The following NUP98 variants were observed in gnomAD, a reference collection of about 807,000 sequenced individuals.
The protein encoded by NUP98 is nucleoporin 98 and 96 precursor.
Under a neutral mutation model 191.9 loss-of-function variants are expected in NUP98, and 26 were observed. The observed-to-expected ratio is 0.14, with a 90% confidence interval of 0.10 to 0.19. The LOEUF (loss-of-function observed/expected upper bound fraction) is 0.19. NUP98 is among the 10% of genes least tolerant of loss of function. NUP98 has a pLI of 1.00. For missense variants in NUP98, 1,941 were observed against 2,178.8 expected (o/e 0.89, Z 2.17); for synonymous variants, 808 against 778.4 (o/e 1.04, Z -0.63).
At chr11:3,744,423 G>T in intron 12 of NUP98, 86 bp downstream of exon 12, 2 of 1,349,072 alleles carry the variant, frequency 1.5e-6, no homozygotes, top group African/African-American at 1.5e-5. Context: ...GCCTTGGTAG[G>T]AATGGGACAG....
At chr11:3,698,019 T>C (rs531010844) in intron 25 of NUP98, among the ~76,000 whole-genome samples, 2 of 152,276 alleles carry the variant, frequency 1.3e-5, no homozygotes, top group Admixed American at 6.5e-5. Flanking sequence ...ACATATTTTA[T>C]AGCAATTCAG....
intron 25 of NUP98, among the ~76,000 whole-genome samples, chr11:3,696,530 C>T (rs893836456): frequency 2.6e-5 from 4 of 151,386 alleles, no homozygotes; most frequent in East Asian, 3.9e-4. Context: ...AAAAAAAGGC[C>T]GGAGGCAGTG....
At chr11:3,791,789 C>T (rs1246289864) in intron 1 of NUP98, among the ~76,000 whole-genome samples, 2 of 150,018 alleles carry the variant, frequency 1.3e-5, no homozygotes, top group Non-Finnish European at 3.0e-5. Flanking sequence ...TTACAGTGAG[C>T]CGAGATCACG....
At position 3,678,758 on chromosome 11, in the gene NUP98, TATA is replaced by T. The variant is rs1354752823; in HGVS notation, c.5073+793_5073+795del. Among the ~76,000 whole-genome samples the T allele has an allele frequency of 3.9e-5, 6 of 152,226 alleles. No individual in the cohort carries two copies. The East Asian group carries it at 1.2e-3, about 29-fold the overall frequency. On this transcript the variant is annotated intron_variant, in intron 31 of 32. Coordinates refer to ENST00000324932, the MANE Select transcript of NUP98 (RefSeq NM_016320.5). ...AAAAGGACTTGAATCCTATATTTAT[TATA>T]ATGAGTTTGGTTTTTGCACCATAAG... is the stretch of plus-strand genomic sequence containing the variant.
At chr11:3,725,020 A>C in intron 15 of NUP98, 83 bp downstream of exon 15, 1 of 652,814 alleles carries the variant, frequency 1.5e-6, no homozygotes, top group Non-Finnish European at 2.7e-6. Flanking sequence ...AAACTTCATA[A>C]ATTTTCATAA....
rs946810789 is a variant in NUP98, at chr11:3,709,060, C to T, written c.2743-2433G>A. Among the ~76,000 whole-genome samples the T allele has an allele frequency of 2.6e-5, 4 of 152,116 alleles. No individual in the cohort carries two copies. The East Asian group carries it at 5.8e-4, about 22-fold the overall frequency. ...TTGAAACAAGGCTGCCAATACCTAA[C>T]GATACAGCATTGCTTAATTCAGTAG... On this transcript the variant is annotated intron_variant, in intron 20 of 32. Coordinates refer to ENST00000324932, the MANE Select transcript of NUP98 (RefSeq NM_016320.5).
At chr11:3,776,131 T>G in intron 4 of NUP98, 110 bp from the exon 5 acceptor site, 1 of 821,270 alleles carries the variant, frequency 1.2e-6, no homozygotes, top group Non-Finnish European at 1.9e-6. Context: ...ATTTTTTTTT[T>G]TTTTTTTTGA....
intron 28 of NUP98, among the ~76,000 whole-genome samples, chr11:3,686,778 G>T (rs182387518): frequency 6.6e-6 from 1 of 152,190 alleles, no homozygotes; most frequent in African/African-American, 2.4e-5. Context: ...GAGGTCAGGA[G>T]AGTTTGAGAC....
chr11:3,700,537 C>A, intron 24 of NUP98, 73 bp downstream of exon 24: 1 of 1,056,960 alleles, frequency 9.5e-7, no homozygotes, highest in South Asian at 1.6e-5. Flanking sequence ...CCAGGAAATT[C>A]ATCCTCCCGT....
intron 11 of NUP98, among the ~76,000 whole-genome samples, chr11:3,747,742 C>T (rs944617343): frequency 6.6e-6 from 1 of 152,172 alleles, no homozygotes; most frequent in Non-Finnish European, 1.5e-5. Context: ...AAATAAGAAG[C>T]TGCAGAGAAA....
intron 12 of NUP98, among the ~76,000 whole-genome samples, chr11:3,744,239 T>A (rs976542869): frequency 6.6e-6 from 1 of 152,130 alleles, no homozygotes; most frequent in East Asian, 1.9e-4. Flanking sequence ...AACACAGTAA[T>A]ATAAGCACAT....
intron 14 of NUP98, among the ~76,000 whole-genome samples, chr11:3,728,523 C>G (rs1468059887): frequency 1.3e-5 from 2 of 152,144 alleles, no homozygotes; most frequent in Non-Finnish European, 2.9e-5. Context: ...ATCTTGAGGT[C>G]AGGAGATCAA....
chr11:3,769,169 A>C (rs2081435157), intron 7 of NUP98, among the ~76,000 whole-genome samples: 1 of 152,200 alleles, frequency 6.6e-6, no homozygotes, highest in South Asian at 2.1e-4. Flanking sequence ...TCACACCTGT[A>C]ATAACAACAT....
At chr11:3,738,418 C>T (rs2134331165) in intron 12 of NUP98, among the ~76,000 whole-genome samples, 1 of 152,198 alleles carries the variant, frequency 6.6e-6, no homozygotes, top group Non-Finnish European at 1.5e-5. Flanking sequence ...AGTACAAAAA[C>T]CAAGTCTTCT....
At chr11:3,710,215 C>T (rs1391328921) in intron 20 of NUP98, among the ~76,000 whole-genome samples, 4 of 152,050 alleles carry the variant, frequency 2.6e-5, no homozygotes, top group Non-Finnish European at 2.9e-5. Context: ...AAATTGGATC[C>T]CAGACCAGGA....
At chr11:3,717,757 G>A (rs1424288050) in intron 18 of NUP98, among the ~76,000 whole-genome samples, 1 of 152,218 alleles carries the variant, frequency 6.6e-6, no homozygotes, top group East Asian at 1.9e-4. Flanking sequence ...TGTCTCACAG[G>A]AAAAGCCTTC....
Position 3,778,927 on chromosome 11 carries a change from G to C in NUP98, c.301C>G (p.Leu101Val). ...AAGGCATTGTTTTGGGATGAGAAGAGACTGGTCCCTGTGCTTGCAGTTCCA... is the reference window on the plus strand; with the variant it reads ...AAGGCATTGTTTTGGGATGAGAAGACACTGGTCCCTGTGCTTGCAGTTCCA... ...LFGTASTGTS[L>V]FSSQNNAFAQ... The change falls in exon 4 of 33, where the codon CTC (leucine) becomes GTC (valine). Residue 101 changes from leucine (L) to valine (V), a missense_variant. Coordinates refer to ENST00000324932, the MANE Select transcript of NUP98 (RefSeq NM_016320.5). 1.2e-6 allele frequency: 2 copies of C among 1,614,216 alleles called. No homozygotes were observed. Among genetic ancestry groups the C allele is most frequent in the Non-Finnish European group, 1.7e-6 (2 of 1,180,038 alleles).
At chr11:3,707,282 A>G (rs1291508441) in intron 20 of NUP98, among the ~76,000 whole-genome samples, 1 of 152,206 alleles carries the variant, frequency 6.6e-6, no homozygotes, top group South Asian at 2.1e-4. Flanking sequence ...AGTTATATTT[A>G]CATTTATTAA....
rs745694175 is a variant in NUP98 at position 3,691,452 on chromosome 11, A to T, written c.4349T>A (p.Leu1450His). 23 of 1,614,074 alleles carry T rather than the reference A, an allele frequency of 1.4e-5. No homozygotes were observed. Among genetic ancestry groups the T allele is most frequent in the Non-Finnish European group, 1.9e-5 (22 of 1,180,028 alleles). Residue 1450 changes from leucine (L) to histidine (H), a missense_variant, in exon 28 of 33, where the codon CTT (leucine) becomes CAT (histidine). By Grantham distance (99) the Leu-to-His change is moderately conservative. Transcript: ENST00000324932. ...GCCAGAACCCTCCAGATACGAAGGA[A>T]GTGGGGAGCAGGCATATCTGTCACT... is the stretch of plus-strand genomic sequence containing the variant. ...SDSDRYACSP[L>H]PSYLEGSGCV...
Sources: allele counts gnomAD v4.1 joint callset (sites outside exome capture counted in the v4.1 genomes callset), GRCh38; gene constraint gnomAD v4.1.1; transcripts MANE v1.5; gene names NCBI Gene and HGNC (gene_info 2026-07-23, HGNC 2026-07-21).